RGS8: variants seen among roughly 807,000 people sequenced by gnomAD.
RGS8 encodes regulator of G-protein signaling 8.
RGS8 carries 8 observed loss-of-function variants against 21.7 expected under a neutral mutation model. The ratio of observed to expected loss-of-function variants is 0.37; its 90% CI spans 0.22 to 0.66. The LOEUF (loss-of-function observed/expected upper bound fraction) is 0.66. Among genes scored for constraint, RGS8 ranks in the 30% least tolerant of loss-of-function variants. RGS8 has a pLI of 0.59. For missense variants in RGS8, 157 were observed against 217.9 expected (o/e 0.72, Z 1.76); for synonymous variants, 80 against 83.6 (o/e 0.96, Z 0.24).
At chr1:182,724,853 C>T in the RGS8 span, among the ~76,000 whole-genome samples, 5 of 152,184 alleles carry the variant, frequency 3.3e-5, no homozygotes, top group African/African-American at 1.2e-4. Context: ...CCACCGCGCC[C>T]GGCCTAGGCT....
the RGS8 span, among the ~76,000 whole-genome samples, chr1:182,748,012 A>T: frequency 6.6e-6 from 1 of 152,070 alleles, no homozygotes; most frequent in Non-Finnish European, 1.5e-5. Context: ...GACAGGTATC[A>T]TTGTGTCCAA....
the RGS8 span, among the ~76,000 whole-genome samples, chr1:182,696,210 T>C: frequency 6.6e-6 from 1 of 152,184 alleles, no homozygotes; most frequent in Non-Finnish European, 1.5e-5. Flanking sequence ...TACTCAACTT[T>C]TAGACATCCC....
the RGS8 span, among the ~76,000 whole-genome samples, chr1:182,723,897 C>T: frequency 2.0e-5 from 3 of 151,824 alleles, no homozygotes; most frequent in African/African-American, 7.3e-5. Context: ...TTTAATTGAG[C>T]AAGGAGTAAT....
intron 5 of RGS8, among the ~76,000 whole-genome samples, chr1:182,650,142 C>G (rs112662847): frequency 6.7e-6 from 1 of 149,580 alleles, no homozygotes; most frequent in Non-Finnish European, 1.5e-5. Flanking sequence ...GATCTCTTGA[C>G]CTTGTGATCC....
upstream of RGS8, chr1:182,672,877 G>A (rs1664231310): frequency 6.2e-7 from 1 of 1,612,630 alleles, no homozygotes; most frequent in Admixed American, 1.7e-5. Context: ...CTTCCTGCTT[G>A]CCCTAGTGTA....
chr1:182,709,871 A>G, the RGS8 span, among the ~76,000 whole-genome samples: 1 of 152,204 alleles, frequency 6.6e-6, no homozygotes, highest in Non-Finnish European at 1.5e-5. Context: ...CATTATGTCA[A>G]ATAAATGTGA....
chr1:182,723,055 C>T, the RGS8 span, among the ~76,000 whole-genome samples: 1 of 151,890 alleles, frequency 6.6e-6, no homozygotes, highest in South Asian at 2.1e-4. Context: ...AAGAACTCAG[C>T]CTACTCCAAT....
At chr1:182,705,263 A>G in the RGS8 span, among the ~76,000 whole-genome samples, 1 of 152,214 alleles carries the variant, frequency 6.6e-6, no homozygotes, top group Non-Finnish European at 1.5e-5. Flanking sequence ...CTGAGAACAA[A>G]GAGTACCCAT....
At chr1:182,741,209 C>T in the RGS8 span, among the ~76,000 whole-genome samples, 35 of 140,476 alleles carry the variant, frequency 2.5e-4, 1 homozygote, top group Non-Finnish European at 4.6e-5. Context: ...CCCTCCTGGA[C>T]GGGGCGGCTG....
At chr1:182,724,246 A>ATATATATATATATC in the RGS8 span, among the ~76,000 whole-genome samples, 29 of 107,130 alleles carry the variant, frequency 2.7e-4, no homozygotes, top group Admixed American at 5.9e-4. Flanking sequence ...ATATATATAT[A>ATATATATATATATC]TCCTATTATT....
chr1:182,737,554 C>T, the RGS8 span, among the ~76,000 whole-genome samples: 1 of 152,176 alleles, frequency 6.6e-6, no homozygotes, highest in African/African-American at 2.4e-5. Flanking sequence ...CCCCTCCACA[C>T]ACTCTCTTGC....
the RGS8 span, among the ~76,000 whole-genome samples, chr1:182,728,544 G>A: frequency 6.6e-6 from 1 of 152,154 alleles, no homozygotes; most frequent in Non-Finnish European, 1.5e-5. Context: ...GGAAGAAAAA[G>A]TAGAGGAAGA....
the RGS8 span, among the ~76,000 whole-genome samples, chr1:182,729,141 T>G: frequency 1.3e-5 from 2 of 152,240 alleles, no homozygotes; most frequent in Non-Finnish European, 2.9e-5. Context: ...ATTAAAAAAT[T>G]TTAATGAAAT....
At chr1:182,673,844 C>T (rs527892883), upstream of RGS8, among the ~76,000 whole-genome samples, 2 of 152,240 alleles carry the variant, frequency 1.3e-5, no homozygotes, top group African/African-American at 4.8e-5. Flanking sequence ...TAAGCACTCC[C>T]CTAATTCAAG....
At chr1:182,721,029 G>A in the RGS8 span, among the ~76,000 whole-genome samples, 5 of 84,086 alleles carry the variant, frequency 5.9e-5, no homozygotes, top group African/African-American at 2.5e-4. Context: ...ATATATATGT[G>A]TGTATATATA....
chr1:182,685,091 CAAA>C (rs34359463), upstream of RGS8, among the ~76,000 whole-genome samples: 4,775 of 137,026 alleles, frequency 0.035, 105 homozygotes, highest in Admixed American at 0.047. Context: ...CTCAAAGAGG[CAAA>C]AAAAAAAAAA....
chr1:182,646,898 G>T, exon 7 of RGS8: 1 of 1,613,662 alleles, frequency 6.2e-7, no homozygotes, highest in Non-Finnish European at 8.5e-7. Context: ...GGCTTCTCGG[G>T]TCTGGAAGTC....
the RGS8 span, among the ~76,000 whole-genome samples, chr1:182,728,795 A>G: frequency 6.6e-6 from 1 of 152,242 alleles, no homozygotes; most frequent in Non-Finnish European, 1.5e-5. Flanking sequence ...GTCAAAAATT[A>G]GAAGGACAAG....
At chr1:182,644,870 T>C (rs766106652), downstream of RGS8, 1 of 152,162 alleles carries the variant, frequency 6.6e-6, no homozygotes, top group Non-Finnish European at 1.5e-5. Flanking sequence ...GAACACCCAT[T>C]TGAGGCTTTG....
Sources: gnomAD v4.1 joint callset for allele counts (sites outside exome capture counted in the v4.1 genomes callset) on GRCh38, gnomAD v4.1.1 for gene constraint, MANE v1.5 for transcripts, NCBI Gene and HGNC (gene_info 2026-07-23, HGNC 2026-07-21) for gene names.